SLC36A2: variants seen among roughly 807,000 people sequenced by gnomAD.
The protein encoded by SLC36A2 is solute carrier family 36 member 2.
SLC36A2 carries 39 observed loss-of-function variants against 42.7 expected under a neutral mutation model. That is an observed-to-expected ratio of 0.91 (90% CI 0.71 to 1.19). The LOEUF (loss-of-function observed/expected upper bound fraction) is 1.19. Among genes scored for constraint, SLC36A2 ranks in the 50% most tolerant of loss-of-function variants. The pLI is 0.00. For missense variants in SLC36A2, 590 were observed against 613.7 expected, an observed-to-expected ratio of 0.96 and a Z score of 0.41; for synonymous variants, 237 against 240.8, an observed-to-expected ratio of 0.98 and a Z score of 0.15.
intron 7 of SLC36A2, among the ~76,000 whole-genome samples, chr5:151,330,169 G>A (rs1350590544): frequency 6.6e-6 from 1 of 152,064 alleles, no homozygotes; most frequent in Non-Finnish European, 1.5e-5. Flanking sequence ...AAAAATAATG[G>A]CTGAAATTAG....
intron 7 of SLC36A2, among the ~76,000 whole-genome samples, chr5:151,329,958 G>T (rs572086454): frequency 1.3e-5 from 2 of 152,254 alleles, no homozygotes; most frequent in East Asian, 3.9e-4. Context: ...CTCAGGTTCT[G>T]CAGGGCCACC....
chr5:151,322,243 C>T, intron 8 of SLC36A2, 28 bp from the exon 9 acceptor site: 2 of 1,612,680 alleles, frequency 1.2e-6, no homozygotes, highest in South Asian at 2.2e-5. Context: ...GAGCTGCTCT[C>T]CACGGCCACT....
intron 1 of SLC36A2, 29 bp from the exon 2 acceptor site, chr5:151,344,296 T>G: frequency 1.3e-6 from 2 of 1,580,410 alleles, no homozygotes; most frequent in African/African-American, 2.7e-5. Context: ...ATGTGAAGTA[T>G]GGGTGTGTGG....
chr5:151,329,190 T>G (rs1002557032), intron 7 of SLC36A2, among the ~76,000 whole-genome samples: 2 of 152,244 alleles, frequency 1.3e-5, no homozygotes, highest in Non-Finnish European at 2.9e-5. Context: ...GAGTCCTGTC[T>G]GCCAATTGGC....
At chr5:151,326,252 G>A (rs1030086898) in intron 7 of SLC36A2, among the ~76,000 whole-genome samples, 1 of 152,172 alleles carries the variant, frequency 6.6e-6, no homozygotes, top group Non-Finnish European at 1.5e-5. Context: ...ACAGTCTTTC[G>A]ACAATTGAAT....
chr5:151,340,821 A>G (rs1454351816), intron 4 of SLC36A2, among the ~76,000 whole-genome samples: 1 of 152,166 alleles, frequency 6.6e-6, no homozygotes, highest in Non-Finnish European at 1.5e-5. Flanking sequence ...AAGGCAATAA[A>G]ATCAGAGGGT....
chr5:151,333,492 C>G (rs564923230), intron 6 of SLC36A2, among the ~76,000 whole-genome samples, 170 bp from the exon 7 acceptor site: 54 of 152,210 alleles, frequency 3.5e-4, no homozygotes, highest in Middle Eastern at 6.8e-3. Context: ...CAACACTGCA[C>G]AATGCCAAAG....
Position 151,322,233 on chromosome 5 carries a change from G to C in SLC36A2, c.1011-18C>G, listed in dbSNP as rs1755717622. ...GGTACAGCCTGCAAGACAAACCACA[G>C]AGCTGCTCTCCACGGCCACTGTGTT... On this transcript the variant is annotated intron_variant, in intron 8 of 9. Transcript: ENST00000335244. 6.2e-7 allele frequency: 1 copy of C among 1,613,514 alleles called. No homozygotes were observed. The highest frequency in any genetic ancestry group is 8.5e-7 in the Non-Finnish European group (1 of 1,179,768).
chr5:151,323,007 C>T (rs1016256537), intron 8 of SLC36A2, among the ~76,000 whole-genome samples: 4 of 151,974 alleles, frequency 2.6e-5, no homozygotes, highest in South Asian at 2.1e-4. Flanking sequence ...AGGCCGAGGG[C>T]GGTGGATCAC....
intron 7 of SLC36A2, among the ~76,000 whole-genome samples, chr5:151,331,464 T>G (rs1755993461): frequency 6.6e-6 from 1 of 151,292 alleles, no homozygotes; most frequent in South Asian, 2.1e-4. Flanking sequence ...TACAGGTGTG[T>G]GCCACTACAC....
chr5:151,343,686 A>G, intron 2 of SLC36A2, 88 bp from the exon 3 acceptor site: 4 of 1,209,816 alleles, frequency 3.3e-6, no homozygotes, highest in Non-Finnish European at 4.9e-6. Context: ...TAGTGCTGAT[A>G]TCATGCAGAA....
At chr5:151,325,581 G>T in intron 7 of SLC36A2, 129 bp from the exon 8 acceptor site, 1 of 971,428 alleles carries the variant, frequency 1.0e-6, no homozygotes, top group Non-Finnish European at 1.6e-6. Context: ...GTACACTTAT[G>T]TTCACAGTAG....
intron 8 of SLC36A2, among the ~76,000 whole-genome samples, chr5:151,324,082 A>G (rs1483187256): frequency 2.0e-5 from 3 of 152,188 alleles, no homozygotes; most frequent in East Asian, 3.9e-4. Context: ...TAACTATTGC[A>G]TGAATTGAGT....
intron 8 of SLC36A2, among the ~76,000 whole-genome samples, chr5:151,323,740 T>G (rs111555915): frequency 6.6e-6 from 1 of 152,232 alleles, no homozygotes; most frequent in Non-Finnish European, 1.5e-5. Flanking sequence ...TTATTGTTTG[T>G]GTACATACAC....
At chr5:151,317,686 C>G (rs1755543358) in intron 9 of SLC36A2, among the ~76,000 whole-genome samples, 1 of 152,128 alleles carries the variant, frequency 6.6e-6, no homozygotes, top group Admixed American at 6.5e-5. Flanking sequence ...TAGTGAGACC[C>G]CATCTCAAAA....
At chr5:151,342,768 G>T in intron 4 of SLC36A2, 120 bp downstream of exon 4, 1 of 797,584 alleles carries the variant, frequency 1.3e-6, no homozygotes, top group South Asian at 1.5e-5. Context: ...CCCCTTCCAT[G>T]TACAACATCT....
intron 6 of SLC36A2, among the ~76,000 whole-genome samples, chr5:151,334,449 G>A (rs6871929): frequency 2.0e-5 from 3 of 151,578 alleles, no homozygotes; most frequent in Admixed American, 6.6e-5. Flanking sequence ...CAGCACTTTG[G>A]GGGGGCCAAG....
rs112879032 is a variant in SLC36A2 at position 151,325,236 on chromosome 5, C to T, written c.1010+50G>A. 1.1e-5 allele frequency: 18 copies of T among 1,595,572 alleles called. No individual in the cohort carries two copies. The Admixed American group carries it at 2.1e-4, about 18-fold the overall frequency. ...GGAAGGGAGGAGGAAGTGACCTATACGTTTCCACCCATTCCTGAGTCCCCA... is the reference window on the plus strand; with the variant it reads ...GGAAGGGAGGAGGAAGTGACCTATATGTTTCCACCCATTCCTGAGTCCCCA... On this transcript the variant is annotated intron_variant, in intron 8 of 9. Coordinates refer to ENST00000335244, the MANE Select transcript of SLC36A2 (RefSeq NM_181776.3).
At chr5:151,318,534 T>A (rs920295396) in intron 9 of SLC36A2, among the ~76,000 whole-genome samples, 9 of 137,600 alleles carry the variant, frequency 6.5e-5, no homozygotes, top group Admixed American at 1.4e-4. Flanking sequence ...ATAATAATTA[T>A]TTATAAATAT....
Sources: allele counts gnomAD v4.1 joint callset (sites outside exome capture counted in the v4.1 genomes callset), GRCh38; gene constraint gnomAD v4.1.1; transcripts MANE v1.5; gene names NCBI Gene and HGNC (gene_info 2026-07-23, HGNC 2026-07-21).